The following GNE variants were observed in gnomAD, a reference collection of about 807,000 sequenced individuals.
GNE encodes glucosamine (UDP-N-acetyl)-2-epimerase/N-acetylmannosamine kinase.
Under a neutral mutation model 61.8 loss-of-function variants are expected in GNE, and 41 were observed. The ratio of observed to expected loss-of-function variants is 0.66; its 90% CI spans 0.52 to 0.86. GNE has a LOEUF of 0.86. GNE is among the 40% of genes least tolerant of loss of function. GNE has a pLI of 0.00. For synonymous variants in GNE, 264 were observed against 326.4 expected (o/e 0.81, Z 2.06); for missense variants, 608 against 909.1 (o/e 0.67, Z 4.26).
intron 1 of GNE, among the ~76,000 whole-genome samples, chr9:36,256,617 A>G (rs796372904): frequency 9.2e-5 from 14 of 152,302 alleles, no homozygotes; most frequent in African/African-American, 3.4e-4. Flanking sequence ...TGCTGACAAA[A>G]GGTGATTAAC....
chr9:36,258,926 G>A (rs1284907585), upstream of GNE, among the ~76,000 whole-genome samples: 3 of 152,196 alleles, frequency 2.0e-5, no homozygotes, highest in Non-Finnish European at 4.4e-5. Flanking sequence ...GTGAATTGAT[G>A]ACCAAGGCAT....
At chr9:36,239,616 G>A (rs938300407) in intron 3 of GNE, among the ~76,000 whole-genome samples, 3 of 151,958 alleles carry the variant, frequency 2.0e-5, no homozygotes, top group Non-Finnish European at 4.4e-5. Flanking sequence ...GGGACTACAG[G>A]TGCACATCAC....
At chr9:36,273,734 G>A (rs1831133786) in intron 1 of GNE, among the ~76,000 whole-genome samples, 1 of 148,390 alleles carries the variant, frequency 6.7e-6, no homozygotes. Flanking sequence ...TTCGGCTTAG[G>A]TTCAGGTGAT....
At chr9:36,259,849 C>T (rs969611384), upstream of GNE, among the ~76,000 whole-genome samples, 1 of 151,866 alleles carries the variant, frequency 6.6e-6, no homozygotes, top group Non-Finnish European at 1.5e-5. Context: ...TTAGTAGAGA[C>T]GGGGGTTTCA....
rs1040528964 is a variant in GNE, at chr9:36,225,786, T to A, written c.1281+1462A>T. Among the ~76,000 whole-genome samples the A allele has an allele frequency of 1.1e-4, 17 of 152,044 alleles. No homozygotes were observed. The South Asian group carries it at 1.2e-3, about 11-fold the overall frequency. ...GGAAGACCTTGTCTCTAAAAAAAAA[T>A]TTTTTTAAATTAAGAGAATAAAAAA... On this transcript the variant is annotated intron_variant, in intron 7 of 11. Coordinates refer to ENST00000642385, the MANE Select transcript of GNE (RefSeq NM_005476.7).
At chr9:36,233,223 T>C (rs1829248485) in intron 5 of GNE, among the ~76,000 whole-genome samples, 1 of 152,184 alleles carries the variant, frequency 6.6e-6, no homozygotes. Context: ...TACTTATACT[T>C]AAGGGGCACT....
At position 36,218,253 on chromosome 9, in the gene GNE, A is replaced by G. The variant is rs2132997537; in HGVS notation, c.1863T>C (p.Ala621=). 1 of 1,614,068 alleles carries G rather than the reference A, an allele frequency of 6.2e-7. No homozygotes were observed. Among genetic ancestry groups the G allele is most frequent in the South Asian group, 1.1e-5 (1 of 91,070 alleles). ...CTTGGATGAGATGGAGCGCACCCAC[A>G]GCCTCATCTTTTGGCACTGACATCC... The part of the protein sequence containing the change: ...VEGMSVPKDE[A]VGALHLIQAA... The change falls in exon 11 of 12, where the codon GCT becomes GCC. Residue 621 remains alanine, a synonymous_variant. Transcript: ENST00000642385. This position sits in a 1 kb window ranked among gnomAD's most constrained non-coding sequence, Gnocchi z 4.1.
chr9:36,237,932 TTACTTCAC>T (rs2133081871), intron 3 of GNE, among the ~76,000 whole-genome samples: 1 of 152,278 alleles, frequency 6.6e-6, no homozygotes, highest in Non-Finnish European at 1.5e-5. Flanking sequence ...CATTCCTGAG[TTACTTCAC>T]TTAGAATAAT....
At position 36,215,415 on chromosome 9, in the gene GNE, A is replaced by AT. The variant is rs1235142567; in HGVS notation, c.*1949dup. On this transcript the variant is annotated 3_prime_UTR_variant, in exon 12 of 12. Transcript: ENST00000642385. ...ATTCAGCTGATAGGGTCAAGGATAC[A>AT]TTAAGTCATTTACAAATCAGATATT... 6.6e-6 allele frequency: 1 copy of AT among 152,234 alleles called. No homozygotes were observed. Among genetic ancestry groups the AT allele is most frequent in the Non-Finnish European group, 1.5e-5 (1 of 68,052 alleles). The allele number at this position is 152,234 out of a possible 1,614,324, so 9.4% of individuals were successfully genotyped here.
intron 1 of GNE, among the ~76,000 whole-genome samples, chr9:36,273,095 T>C (rs1225977451): frequency 1.3e-5 from 2 of 151,834 alleles, no homozygotes; most frequent in African/African-American, 4.8e-5. Context: ...GGTGAGAAGA[T>C]AATGAGCTTT....
At chr9:36,249,839 G>A (rs533535911) in intron 1 of GNE, among the ~76,000 whole-genome samples, 9 of 150,902 alleles carry the variant, frequency 6.0e-5, no homozygotes, top group Middle Eastern at 3.4e-3. Flanking sequence ...AGCTGAGATC[G>A]CACCACCACA....
intron 1 of GNE, among the ~76,000 whole-genome samples, chr9:36,258,104 C>A (rs558140907): frequency 2.6e-5 from 4 of 152,306 alleles, no homozygotes; most frequent in African/African-American, 9.6e-5. Flanking sequence ...AGGGCCCACC[C>A]CGAGCCACAC....
intron 1 of GNE, among the ~76,000 whole-genome samples, chr9:36,251,529 C>T (rs7874060): frequency 0.78 from 118,997 of 151,912 alleles, 47,193 homozygotes; most frequent in African/African-American, 0.85. Flanking sequence ...GCTCAAGCAA[C>T]CCCCCCACCT....
intron 7 of GNE, among the ~76,000 whole-genome samples, chr9:36,223,835 T>C (rs1463449631): frequency 1.3e-5 from 2 of 150,372 alleles, no homozygotes; most frequent in African/African-American, 4.9e-5. Context: ...CACTGCAACC[T>C]CCACCTCCCA....
intron 1 of GNE, 26 bp downstream of exon 1, chr9:36,258,295 G>A (rs1032180596): frequency 6.1e-6 from 6 of 984,086 alleles, no homozygotes; most frequent in Non-Finnish European, 4.8e-6. Context: ...CTCTCCCGGA[G>A]TCCCACGCCG....
upstream of GNE, among the ~76,000 whole-genome samples, chr9:36,260,868 CAAA>C (rs745821430): frequency 5.4e-3 from 514 of 95,988 alleles, 7 homozygotes; most frequent in African/African-American, 0.018. Context: ...GACTCTATCT[CAAA>C]AAAAAAAAAA....
At chr9:36,256,265 TTGAGAC>T (rs1187994087) in intron 1 of GNE, among the ~76,000 whole-genome samples, 1 of 70,006 alleles carries the variant, frequency 1.4e-5, no homozygotes. Context: ...TTTTTTTTTT[TTGAGAC>T]AGACAGCCTG....
intron 3 of GNE, among the ~76,000 whole-genome samples, chr9:36,240,519 A>T (rs10123243): frequency 0.76 from 115,092 of 152,110 alleles, 44,032 homozygotes; most frequent in Non-Finnish European, 0.8. Context: ...TTGATCATGG[A>T]GGATTATCTT....
chr9:36,259,069 G>A (rs1187474740), upstream of GNE, among the ~76,000 whole-genome samples: 1 of 152,222 alleles, frequency 6.6e-6, no homozygotes, highest in Non-Finnish European at 1.5e-5. Flanking sequence ...AGCTCCTGAA[G>A]ATAAATAAGA....
Sources: allele counts gnomAD v4.1 joint callset (sites outside exome capture counted in the v4.1 genomes callset), GRCh38; gene constraint gnomAD v4.1.1; non-coding constraint Gnocchi (gnomAD v3.1); transcripts MANE v1.5; gene names NCBI Gene and HGNC (gene_info 2026-07-23, HGNC 2026-07-21).